Variants in CNTN4 observed in about 807,000 individuals in gnomAD.
The protein encoded by CNTN4 is contactin 4, also known as contactin-4.
CNTN4 carries 77 observed loss-of-function variants against 122.5 expected under a neutral mutation model. The observed-to-expected ratio is 0.63, with a 90% CI of 0.52 to 0.76. The LOEUF (loss-of-function observed/expected upper bound fraction) is 0.76, where lower values mean the gene tolerates loss of function less well. Ranked by LOEUF, CNTN4 falls within the 30% of genes least tolerant of loss-of-function variation. The pLI is 0.00. For missense variants in CNTN4, 1,256 were observed against 1,259.1 expected, an observed-to-expected ratio of 1.00 and a Z score of 0.04; for synonymous variants, 512 against 447.0, an observed-to-expected ratio of 1.15 and a Z score of -1.83.
At chr3:2,942,811 T>C (rs926385344) in intron 13 of CNTN4, among the ~76,000 whole-genome samples, 11 of 152,218 alleles carry the variant, frequency 7.2e-5, no homozygotes, top group Non-Finnish European at 1.3e-4. Flanking sequence ...ACAGTGATAA[T>C]CTTCAGGAAG....
chr3:2,582,022 A>T (rs1181023649), intron 4 of CNTN4, among the ~76,000 whole-genome samples: 1 of 152,186 alleles, frequency 6.6e-6, no homozygotes, highest in Non-Finnish European at 1.5e-5. Context: ...CTGCTGTTGG[A>T]TATGTGATGT....
chr3:2,323,933 C>T (rs17194308), intron 2 of CNTN4, among the ~76,000 whole-genome samples: 1 of 152,134 alleles, frequency 6.6e-6, no homozygotes, highest in East Asian at 1.9e-4. Flanking sequence ...ACAGGACTAA[C>T]ACAATGGTTC....
At chr3:2,641,614 C>G (rs982481271) in intron 4 of CNTN4, among the ~76,000 whole-genome samples, 8 of 152,146 alleles carry the variant, frequency 5.3e-5, no homozygotes, top group African/African-American at 1.9e-4. Flanking sequence ...TGTGCACCAT[C>G]TTCACAATGA....
In CNTN4 at chr3:2,299,018, C is replaced by CAGG. The variant is rs4057757; in HGVS notation, c.-144-40160_-144-40159insAGG. Reference sequence around the variant, plus strand: ...TCTATTTTTGTCAAATTTCACCTGTCGGGGGGTTTTTAGCTTCTGACCTCA... The same window carrying CAGG: ...TCTATTTTTGTCAAATTTCACCTGTCAGGGGGGGGTTTTTAGCTTCTGACCTCA... On this transcript the variant is annotated intron_variant, in intron 2 of 24. Coordinates refer to ENST00000418658, the MANE Select transcript of CNTN4 (RefSeq NM_175607.3). 5.3e-5 allele frequency among the ~76,000 whole-genome samples: 8 copies of CAGG among 152,210 alleles called. No homozygotes were observed. In the South Asian group the frequency reaches 1.2e-3, roughly 24 times the overall value.
intron 2 of CNTN4, among the ~76,000 whole-genome samples, chr3:2,153,613 T>G (rs1303317751): frequency 1.3e-5 from 2 of 152,144 alleles, no homozygotes; most frequent in Non-Finnish European, 2.9e-5. Flanking sequence ...AACAATGGCC[T>G]CCTCACAAAA....
intron 13 of CNTN4, among the ~76,000 whole-genome samples, chr3:2,943,600 A>G (rs1045010099): frequency 7.0e-6 from 1 of 142,916 alleles, no homozygotes; most frequent in African/African-American, 2.6e-5. Context: ...ATATATAAAT[A>G]TATAAATATA....
intron 4 of CNTN4, among the ~76,000 whole-genome samples, chr3:2,608,988 A>G (rs2149806903): frequency 6.6e-6 from 1 of 152,334 alleles, no homozygotes; most frequent in South Asian, 2.1e-4. Flanking sequence ...CTCTGGAGAA[A>G]GGATAATCAA....
At position 2,709,175 on chromosome 3, in the gene CNTN4, A is replaced by G. The variant is rs760842704; in HGVS notation, c.56-27040A>G. 2.6e-5 allele frequency among the ~76,000 whole-genome samples: 4 copies of G among 152,232 alleles called. No individual in the cohort carries two copies. Among genetic ancestry groups the G allele is most frequent in the Non-Finnish European group, 5.9e-5 (4 of 68,040 alleles). ...AAAATCCAGCAAAAATGCATATTGC[A>G]TTTACAACAGACAAAACCAAATTTT... On this transcript the variant is annotated intron_variant, in intron 4 of 24. Coordinates refer to ENST00000418658, the MANE Select transcript of CNTN4 (RefSeq NM_175607.3). The surrounding 1 kb of genome is among the most constrained non-coding windows in gnomAD (Gnocchi z 5.0).
chr3:2,393,016 A>C (rs1348392358), intron 3 of CNTN4, among the ~76,000 whole-genome samples: 14 of 152,168 alleles, frequency 9.2e-5, no homozygotes, highest in Admixed American at 3.9e-4. Context: ...ATCGTCTTAC[A>C]TTTCTGGATG....
intron 2 of CNTN4, among the ~76,000 whole-genome samples, chr3:2,133,561 G>C (rs1436322493): frequency 6.6e-6 from 1 of 152,110 alleles, no homozygotes; most frequent in Non-Finnish European, 1.5e-5. Flanking sequence ...TTTTTGAAAT[G>C]AGTCTCTGAT....
intron 16 of CNTN4, among the ~76,000 whole-genome samples, chr3:3,031,582 A>G (rs1288697846): frequency 8.8e-6 from 1 of 113,152 alleles, no homozygotes; most frequent in Non-Finnish European, 2.2e-5. Context: ...CCTAAGAGCT[A>G]TGACCCCCCC....
chr3:2,658,634 T>C (rs1329009690), intron 4 of CNTN4, among the ~76,000 whole-genome samples: 1 of 152,200 alleles, frequency 6.6e-6, no homozygotes, highest in African/African-American at 2.4e-5. Context: ...ACCATGAGCA[T>C]TTGTACCATC....
chr3:3,041,992 G>A (rs763589232), intron 20 of CNTN4, among the ~76,000 whole-genome samples: 7 of 152,162 alleles, frequency 4.6e-5, no homozygotes, highest in Admixed American at 2.0e-4. Flanking sequence ...TAGCCATGTC[G>A]TAAGCAATAA....
intron 3 of CNTN4, among the ~76,000 whole-genome samples, chr3:2,445,583 C>T (rs1340960407): frequency 6.6e-6 from 1 of 152,018 alleles, no homozygotes; most frequent in Non-Finnish European, 1.5e-5. Flanking sequence ...CTTGAATTAT[C>T]CCTAAAAATT....
At chr3:2,352,505 A>G (rs2044672002) in intron 3 of CNTN4, among the ~76,000 whole-genome samples, 1 of 152,194 alleles carries the variant, frequency 6.6e-6, no homozygotes, top group South Asian at 2.1e-4. Context: ...CGGCACAGCC[A>G]GCCCCTGGCA....
chr3:2,208,167 G>A (rs1257200823), intron 2 of CNTN4, among the ~76,000 whole-genome samples: 1 of 152,126 alleles, frequency 6.6e-6, no homozygotes, highest in Non-Finnish European at 1.5e-5. Flanking sequence ...TTTGGGCAAA[G>A]TAAATTTCAA....
chr3:2,767,868 T>G (rs530855721), intron 6 of CNTN4, among the ~76,000 whole-genome samples: 1 of 152,358 alleles, frequency 6.6e-6, no homozygotes, highest in Non-Finnish European at 1.5e-5. Flanking sequence ...ATAGCTCACC[T>G]TCTCAGTATT....
chr3:2,636,040 G>A (rs775075614), intron 4 of CNTN4, among the ~76,000 whole-genome samples: 20 of 152,044 alleles, frequency 1.3e-4, no homozygotes, highest in Non-Finnish European at 2.9e-4. Context: ...CCTAATTTTA[G>A]TTGGTGAGAC....
rs190009371 is a variant in CNTN4, at chr3:3,049,183, A to G, written c.2812-4624A>G. Among the ~76,000 whole-genome samples the G allele has an allele frequency of 2.1e-3, 323 of 152,328 alleles. 2 individuals carry two copies. The highest frequency in any genetic ancestry group is 4.3e-3 in the Admixed American group (66 of 15,300). On this transcript the variant is annotated intron_variant, in intron 23 of 24. Transcript: ENST00000418658. The stretch of plus-strand genomic sequence containing the variant: ...CTGCAACCTCCGCCTCCAGGGTTCA[A>G]GCAGTTCTCCTGCCTCAGCCTCCCA...
Sources: gnomAD v4.1 joint callset for allele counts (sites outside exome capture counted in the v4.1 genomes callset) on GRCh38, gnomAD v4.1.1 for gene constraint, Gnocchi (gnomAD v3.1) non-coding constraint, MANE v1.5 for transcripts, NCBI Gene and HGNC (gene_info 2026-07-23, HGNC 2026-07-21) for gene names.